Variants in RNF138 observed in about 807,000 individuals in gnomAD.
The protein encoded by RNF138 is E3 ubiquitin-protein ligase RNF138.
In RNF138, 12 loss-of-function variants were observed where a neutral mutation model predicts 31.0. That is an observed-to-expected ratio of 0.39 (90% CI 0.25 to 0.63). The LOEUF (loss-of-function observed/expected upper bound fraction) is 0.63, where lower values mean the gene tolerates loss of function less well. Among genes scored for constraint, RNF138 ranks in the 20% least tolerant of loss-of-function variants. The pLI is 0.52. For missense variants in RNF138, 192 were observed against 300.1 expected, an observed-to-expected ratio of 0.64 and a Z score of 2.66; for synonymous variants, 105 against 99.5, an observed-to-expected ratio of 1.06 and a Z score of -0.33.
chr18:32,111,933 G>T lies in RNF138; in HGVS notation c.276+14G>T. 1.3e-6 allele frequency: 2 copies of T among 1,567,862 alleles called. No homozygotes were observed. Among genetic ancestry groups the T allele is most frequent in the South Asian group, 1.2e-5 (1 of 83,838 alleles). On this transcript the variant is annotated intron_variant, in intron 3 of 7. Coordinates refer to ENST00000261593, the MANE Select transcript of RNF138 (RefSeq NM_016271.5). Reference sequence around the variant, plus strand: ...TGTGCAAAACAGGTAGAGTAAATGTGACATCTCTCTTCTTTGGAAGCCAAG... The same window carrying T: ...TGTGCAAAACAGGTAGAGTAAATGTTACATCTCTCTTCTTTGGAAGCCAAG...
chr18:32,129,617 T>C lies in RNF138; in HGVS notation c.*430T>C, dbSNP rs930809162. ...AAATCTGAGCCAGTTATTATTAGAG[T>C]TGCAGAATAGAAACTTGAAGTGCTA... On this transcript the variant is annotated 3_prime_UTR_variant, in exon 8 of 8. Transcript: ENST00000261593. 5 of 153,750 alleles carry C rather than the reference T, an allele frequency of 3.3e-5. No homozygotes were observed. Among genetic ancestry groups the C allele is most frequent in the Non-Finnish European group, 7.3e-5 (5 of 68,806 alleles). The allele number at this position is 153,750 out of a possible 1,614,324, so 9.5% of individuals were successfully genotyped here.
chr18:32,100,755 C>T (rs778691274), intron 2 of RNF138, among the ~76,000 whole-genome samples: 3 of 152,242 alleles, frequency 2.0e-5, no homozygotes, highest in Non-Finnish European at 2.9e-5. Context: ...GGATTACAGG[C>T]GTGAGCCCCC....
chr18:32,092,589 G>C (rs2039713957), intron 1 of RNF138, 111 bp from the exon 2 acceptor site: 2 of 578,852 alleles, frequency 3.5e-6, no homozygotes, highest in African/African-American at 1.9e-5. Context: ...TGCCCGGCGC[G>C]TGCGGCAGTA....
At chr18:32,123,677 A>C in intron 5 of RNF138, 103 bp downstream of exon 5, 1 of 714,544 alleles carries the variant, frequency 1.4e-6, no homozygotes, top group Non-Finnish European at 2.1e-6. Flanking sequence ...TTTGAGACGG[A>C]GTCTCACTTT....
chr18:32,115,825 CCTCT>C (rs1555698905), intron 4 of RNF138, among the ~76,000 whole-genome samples: 2 of 152,138 alleles, frequency 1.3e-5, no homozygotes, highest in Non-Finnish European at 2.9e-5. Context: ...CTGGCCCTTT[CCTCT>C]CTTTTTATAG....
chr18:32,107,510 T>G (rs1568230873), intron 2 of RNF138, among the ~76,000 whole-genome samples: 3 of 150,612 alleles, frequency 2.0e-5, no homozygotes, highest in East Asian at 2.0e-4. Context: ...TAATTTAGTT[T>G]TTTGTTTGTT....
At chr18:32,119,721 G>T (rs1021170541) in intron 4 of RNF138, among the ~76,000 whole-genome samples, 3 of 152,206 alleles carry the variant, frequency 2.0e-5, no homozygotes, top group Admixed American at 1.3e-4. Flanking sequence ...ACTGCCCCCA[G>T]CCTCTTTCTC....
At chr18:32,102,233 G>GTTTTT (rs2039955684) in intron 2 of RNF138, among the ~76,000 whole-genome samples, 1 of 82,428 alleles carries the variant, frequency 1.2e-5, no homozygotes. Context: ...ACGGAGTCTT[G>GTTTTT]TTCTGTCACC....
intron 5 of RNF138, 129 bp from the exon 6 acceptor site, chr18:32,124,605 A>G: frequency 1.6e-6 from 1 of 608,624 alleles, no homozygotes; most frequent in Non-Finnish European, 2.9e-6. Context: ...GTTCAAAATG[A>G]GAGAATCTTT....
At chr18:32,115,012 A>G (rs1360534729) in intron 4 of RNF138, among the ~76,000 whole-genome samples, 1 of 145,514 alleles carries the variant, frequency 6.9e-6, no homozygotes, top group East Asian at 2.0e-4. Context: ...TTGCTCTTAT[A>G]GTTTTTTTTT....
intron 2 of RNF138, among the ~76,000 whole-genome samples, chr18:32,095,371 T>C (rs577297794): frequency 6.6e-6 from 1 of 152,204 alleles, no homozygotes; most frequent in Non-Finnish European, 1.5e-5. Flanking sequence ...AGGGCCTCAC[T>C]ACGTTGCCCA....
intron 2 of RNF138, among the ~76,000 whole-genome samples, chr18:32,104,624 G>A (rs2039998984): frequency 1.3e-5 from 2 of 152,078 alleles, no homozygotes. Flanking sequence ...CTTTATACCA[G>A]CAGTAATCAG....
At chr18:32,101,672 A>G (rs920976199) in intron 2 of RNF138, among the ~76,000 whole-genome samples, 1 of 152,166 alleles carries the variant, frequency 6.6e-6, no homozygotes. Flanking sequence ...CTATTTTCAT[A>G]AATGTCATGT....
At chr18:32,126,509 A>T (rs941568615) in intron 6 of RNF138, among the ~76,000 whole-genome samples, 184 bp from the exon 7 acceptor site, 2 of 152,210 alleles carry the variant, frequency 1.3e-5, no homozygotes, top group Non-Finnish European at 2.9e-5. Flanking sequence ...TCACTGTGTT[A>T]GATTAATGTC....
At chr18:32,125,758 C>A (rs1354768085) in intron 6 of RNF138, among the ~76,000 whole-genome samples, 1 of 151,104 alleles carries the variant, frequency 6.6e-6, no homozygotes, top group Non-Finnish European at 1.5e-5. Context: ...ATAGTGAGAC[C>A]CTGTCTATTT....
At chr18:32,096,493 G>A (rs1397361292) in intron 2 of RNF138, among the ~76,000 whole-genome samples, 3 of 152,142 alleles carry the variant, frequency 2.0e-5, no homozygotes, top group Admixed American at 6.6e-5. Context: ...AGTGGTCACC[G>A]AGTGAGGTAT....
intron 1 of RNF138, 123 bp from the exon 2 acceptor site, chr18:32,092,577 C>G (rs1303757912): frequency 1.7e-6 from 1 of 576,658 alleles, no homozygotes; most frequent in East Asian, 3.1e-5. Context: ...GGGGTCGCCT[C>G]TTGCCCGGCG....
At chr18:32,092,608 G>A in intron 1 of RNF138, 92 bp from the exon 2 acceptor site, 1 of 596,412 alleles carries the variant, frequency 1.7e-6, no homozygotes, top group East Asian at 3.1e-5. Context: ...TAGCGTCTCT[G>A]CGTTCGGCCC....
chr18:32,118,129 C>A (rs1309173186), intron 4 of RNF138, among the ~76,000 whole-genome samples: 5 of 152,182 alleles, frequency 3.3e-5, no homozygotes, highest in African/African-American at 9.7e-5. Flanking sequence ...TAATAAATTT[C>A]TCTCCAGATT....
Sources: gnomAD v4.1 joint callset for allele counts (sites outside exome capture counted in the v4.1 genomes callset) on GRCh38, gnomAD v4.1.1 for gene constraint, MANE v1.5 for transcripts, NCBI Gene and HGNC (gene_info 2026-07-23, HGNC 2026-07-21) for gene names.